Variants in TMEM135 observed in about 807,000 individuals in gnomAD.
TMEM135 encodes peroxisomal membrane protein 52.
A neutral mutation model predicts 60.3 loss-of-function variants in TMEM135; 30 were observed. That is an observed-to-expected ratio of 0.50 (90% CI 0.37 to 0.68). The LOEUF is 0.68. Among genes scored for constraint, TMEM135 ranks in the 30% least tolerant of loss-of-function variants. The pLI is 0.00. For missense variants in TMEM135, 468 were observed against 548.8 expected, an observed-to-expected ratio of 0.85 and a Z score of 1.47; for synonymous variants, 190 against 186.7, an observed-to-expected ratio of 1.02 and a Z score of -0.14.
At chr11:87,160,036 A>G (rs942498784) in intron 5 of TMEM135, among the ~76,000 whole-genome samples, 2 of 152,208 alleles carry the variant, frequency 1.3e-5, no homozygotes, top group Admixed American at 6.5e-5. Flanking sequence ...CAGTACTGCG[A>G]AAATATTTGT....
chr11:87,307,360 C>T (rs1373409733), intron 9 of TMEM135, among the ~76,000 whole-genome samples: 5 of 143,284 alleles, frequency 3.5e-5, no homozygotes, highest in Admixed American at 7.2e-5. Context: ...ATTTGATTTC[C>T]TGCCTCAGTT....
At chr11:87,191,263 C>CAA (rs1939791776) in intron 5 of TMEM135, among the ~76,000 whole-genome samples, 1 of 150,232 alleles carries the variant, frequency 6.7e-6, no homozygotes, top group Non-Finnish European at 1.5e-5. Flanking sequence ...TTTTCTGAGA[C>CAA]AGAGTCCCGC....
chr11:87,239,720 G>C (rs1026232135), intron 6 of TMEM135, among the ~76,000 whole-genome samples: 11 of 148,100 alleles, frequency 7.4e-5, no homozygotes, highest in African/African-American at 2.7e-4. Flanking sequence ...GGGGAAATGA[G>C]GCCTGCTTTC....
chr11:87,072,992 A>G (rs1856799470), intron 3 of TMEM135, among the ~76,000 whole-genome samples: 1 of 152,146 alleles, frequency 6.6e-6, no homozygotes, highest in African/African-American at 2.4e-5. Context: ...AGTAATTCTC[A>G]TCAAATAACC....
rs1197415794 is a variant in TMEM135, at chr11:87,326,388, C to G, written c.*5055C>G. 1 of 453,960 alleles carries G rather than the reference C, an allele frequency of 2.2e-6. No individual in the cohort carries two copies. The highest frequency in any genetic ancestry group is 2.0e-5 in the African/African-American group (1 of 49,978). 28.1% of individuals were successfully genotyped at this position (453,960 alleles called of 1,614,324 possible). A position where few individuals can be genotyped will look rare whatever the true frequency, so the allele number is the denominator to read the frequency against. ...ACTAGGACCAGTTAATTTTCGAAGTCTAGTTCTTCAGTGTCTATTAAACTT... is the reference window on the plus strand; with the variant it reads ...ACTAGGACCAGTTAATTTTCGAAGTGTAGTTCTTCAGTGTCTATTAAACTT... On this transcript the variant is annotated 3_prime_UTR_variant, in exon 15 of 15. Transcript: ENST00000305494.
At chr11:87,056,589 T>C (rs11234934) in intron 1 of TMEM135, among the ~76,000 whole-genome samples, 23,284 of 152,256 alleles carry the variant, frequency 0.15, 1,856 homozygotes, top group Non-Finnish European at 0.17. Context: ...AATATTAATG[T>C]GTTGAAGTGC....
intron 5 of TMEM135, among the ~76,000 whole-genome samples, chr11:87,210,977 G>T (rs1940356216): frequency 1.3e-5 from 2 of 152,026 alleles, no homozygotes; most frequent in Non-Finnish European, 2.9e-5. Context: ...AACAAATTAG[G>T]CATTGAAATA....
intron 5 of TMEM135, among the ~76,000 whole-genome samples, chr11:87,179,602 A>G (rs1386008270): frequency 6.6e-6 from 1 of 152,162 alleles, no homozygotes; most frequent in Non-Finnish European, 1.5e-5. Flanking sequence ...GTTTGAGGTG[A>G]AAATCCAAGT....
intron 3 of TMEM135, among the ~76,000 whole-genome samples, chr11:87,090,058 C>G (rs950724596): frequency 2.0e-5 from 3 of 152,052 alleles, no homozygotes; most frequent in African/African-American, 4.8e-5. Flanking sequence ...ATTGGGTTCT[C>G]TTGTTCTGCT....
At chr11:87,157,493 T>A in intron 5 of TMEM135, 87 bp downstream of exon 5, 1 of 1,172,884 alleles carries the variant, frequency 8.5e-7, no homozygotes, top group Non-Finnish European at 1.3e-6. Context: ...TCTATGATGC[T>A]TTGTCTAAGA....
At chr11:87,167,379 T>C (rs479593) in intron 5 of TMEM135, among the ~76,000 whole-genome samples, 55,920 of 151,994 alleles carry the variant, frequency 0.37, 10,823 homozygotes, top group East Asian at 0.67. Flanking sequence ...CATCTTTGTC[T>C]TGTGCCCATT....
chr11:87,059,781 A>G (rs559004043), intron 1 of TMEM135, among the ~76,000 whole-genome samples: 1 of 152,252 alleles, frequency 6.6e-6, no homozygotes, highest in Non-Finnish European at 1.5e-5. Context: ...ACTCTGCTAA[A>G]TACTTTATAT....
At chr11:87,257,644 T>C (rs1941555570) in intron 6 of TMEM135, among the ~76,000 whole-genome samples, 2 of 152,344 alleles carry the variant, frequency 1.3e-5, no homozygotes, top group South Asian at 2.1e-4. Context: ...CATATTTATA[T>C]GATTCTATTT....
chr11:87,239,304 G>A (rs1941078392), intron 6 of TMEM135, among the ~76,000 whole-genome samples: 2 of 152,016 alleles, frequency 1.3e-5, no homozygotes, highest in Admixed American at 6.6e-5. Flanking sequence ...GCTGTTCTTG[G>A]CAGAAGTTTG....
chr11:87,067,934 T>A, intron 2 of TMEM135, 113 bp downstream of exon 2: 6 of 1,333,636 alleles, frequency 4.5e-6, no homozygotes, highest in Non-Finnish European at 6.3e-6. Context: ...CCCCTTTTTT[T>A]AATCTGTGAA....
chr11:87,292,849 A>G (rs575562749), intron 6 of TMEM135, among the ~76,000 whole-genome samples: 1 of 152,144 alleles, frequency 6.6e-6, no homozygotes, highest in Non-Finnish European at 1.5e-5. Flanking sequence ...TGAAATTGCA[A>G]ATTCATTTGT....
chr11:87,240,376 A>G (rs573883614), intron 6 of TMEM135, among the ~76,000 whole-genome samples: 1 of 151,946 alleles, frequency 6.6e-6, no homozygotes. Flanking sequence ...GATTTTGGCC[A>G]AGCAGAAGTC....
chr11:87,081,076 G>A (rs1360167412), intron 3 of TMEM135, among the ~76,000 whole-genome samples: 1 of 143,470 alleles, frequency 7.0e-6, no homozygotes, highest in Non-Finnish European at 1.5e-5. Flanking sequence ...TCAAACATCT[G>A]TGTCTTTATA....
intron 5 of TMEM135, among the ~76,000 whole-genome samples, chr11:87,209,725 A>G (rs1185184440): frequency 6.6e-6 from 1 of 152,102 alleles, no homozygotes; most frequent in Admixed American, 6.5e-5. Context: ...AACAACATCC[A>G]AGAACAACAC....
Sources: allele counts gnomAD v4.1 joint callset (sites outside exome capture counted in the v4.1 genomes callset), GRCh38; gene constraint gnomAD v4.1.1; transcripts MANE v1.5; gene names NCBI Gene and HGNC (gene_info 2026-07-23, HGNC 2026-07-21).